The following PAX1 variants were observed in gnomAD, a reference collection of about 807,000 sequenced individuals.
PAX1 encodes paired box 1.
PAX1 carries 18 observed loss-of-function variants against 35.6 expected under a neutral mutation model. The observed-to-expected ratio is 0.50, with a 90% CI of 0.35 to 0.75. The LOEUF (loss-of-function observed/expected upper bound fraction) is 0.75, where lower values mean the gene tolerates loss of function less well. PAX1 is among the 30% of genes least tolerant of loss of function. The pLI is 0.01. For missense variants in PAX1, 760 were observed against 661.5 expected (o/e 1.15, Z -1.63); for synonymous variants, 397 against 305.2 (o/e 1.30, Z -3.14).
intron 2 of PAX1, among the ~76,000 whole-genome samples, chr20:21,707,450 C>CT (rs1985055518): frequency 6.6e-6 from 1 of 152,158 alleles, no homozygotes; most frequent in African/African-American, 2.4e-5. Flanking sequence ...CCCAAGGGTT[C>CT]TGTCCCCCAC....
At chr20:21,711,682 G>C (rs183138085) in intron 4 of PAX1, among the ~76,000 whole-genome samples, 1 of 152,250 alleles carries the variant, frequency 6.6e-6, no homozygotes, top group East Asian at 1.9e-4. Context: ...TTCTCAAGCT[G>C]GCATGCAACT....
chr20:21,710,068 G>A (rs1985152445), intron 4 of PAX1, among the ~76,000 whole-genome samples: 2 of 140,902 alleles, frequency 1.4e-5, no homozygotes, highest in Admixed American at 1.5e-4. Context: ...GCTTTCTGTG[G>A]TTGTGGGTGG....
chr20:21,713,450 A>G (rs1985264677), intron 4 of PAX1, among the ~76,000 whole-genome samples: 1 of 151,718 alleles, frequency 6.6e-6, no homozygotes, highest in Non-Finnish European at 1.5e-5. Flanking sequence ...GCGCAGCCAC[A>G]GCAAGTTGCG....
rs1003395033 is a variant in PAX1 at position 21,715,000 on chromosome 20, C to T, written c.*438C>T. 2.8e-5 allele frequency: 18 copies of T among 653,100 alleles called. No individual in the cohort carries two copies. Among genetic ancestry groups the T allele is most frequent in the African/African-American group, 1.8e-4 (10 of 55,632 alleles). The allele number at this position is 653,100 out of a possible 1,614,324, so 40.5% of individuals were successfully genotyped here. A position where few individuals can be genotyped will look rare whatever the true frequency, so the allele number is the denominator to read the frequency against. On this transcript the variant is annotated 3_prime_UTR_variant, in exon 5 of 5. Coordinates refer to ENST00000613128, the MANE Select transcript of PAX1 (RefSeq NM_001257096.2). The stretch of plus-strand genomic sequence containing the variant: ...CCCTACCTTCCACCCCGGCTTTCCC[C>T]GACCTTCCAGGGCTCCCTCTGCCCT...
At chr20:21,709,499 T>A (rs1318949350) in intron 4 of PAX1, 55 bp downstream of exon 4, 1 of 1,346,992 alleles carries the variant, frequency 7.4e-7, no homozygotes, top group African/African-American at 1.5e-5. Context: ...GGAAGGGTAC[T>A]GGGGAGCGGG....
chr20:21,713,382 T>TTTTTG (rs1324636431), intron 4 of PAX1, among the ~76,000 whole-genome samples: 4 of 146,272 alleles, frequency 2.7e-5, no homozygotes, highest in Non-Finnish European at 4.5e-5. Context: ...TCTTTTTTTT[T>TTTTTG]TGTGTGTGTG....
rs1352090319 is a variant in PAX1 at position 21,718,314 on chromosome 20, G to A, written c.*3752G>A. Reference sequence around the variant, plus strand: ...GTTTTGCCCTTCTTGAATATGCCCCGAGTTGTTCTACAGATCACTGAAGGG... The same window carrying A: ...GTTTTGCCCTTCTTGAATATGCCCCAAGTTGTTCTACAGATCACTGAAGGG... On this transcript the variant is annotated 3_prime_UTR_variant, in exon 5 of 5. Transcript: ENST00000613128. 2.0e-5 allele frequency: 3 copies of A among 152,170 alleles called. No individual in the cohort carries two copies. Among genetic ancestry groups the A allele is most frequent in the Non-Finnish European group, 4.4e-5 (3 of 68,032 alleles). 9.4% of individuals were successfully genotyped at this position (152,170 alleles called of 1,614,324 possible).
In PAX1 at chr20:21,718,079, A is replaced by G. The variant is rs1487444564; in HGVS notation, c.*3517A>G. 1 of 152,206 alleles carries G rather than the reference A, an allele frequency of 6.6e-6. No homozygotes were observed. The highest frequency in any genetic ancestry group is 1.5e-5 in the Non-Finnish European group (1 of 68,038). The allele number at this position is 152,206 out of a possible 1,614,324, so 9.4% of individuals were successfully genotyped here. ...ACTTTATTCTCGTGAATGGATGTCT[A>G]TTACCGAGGATTTATTAAAAACAGG... On this transcript the variant is annotated 3_prime_UTR_variant, in exon 5 of 5. Coordinates refer to ENST00000613128, the MANE Select transcript of PAX1 (RefSeq NM_001257096.2).
chr20:21,708,831 G>A (rs929952572), intron 3 of PAX1, 131 bp downstream of exon 3: 2 of 928,478 alleles, frequency 2.2e-6, no homozygotes, highest in Non-Finnish European at 3.4e-6. Flanking sequence ...CAGCCGGCTA[G>A]CAAGCGTCCT....
In PAX1 at chr20:21,705,919, T is replaced by TCA; in HGVS notation, c.208_209insAC (p.Leu70HisfsTer34). The TCA allele has an allele frequency of 7.1e-7, 1 of 1,409,590 alleles. No homozygotes were observed. The highest frequency in any genetic ancestry group is 9.2e-7 in the Non-Finnish European group (1 of 1,086,228). 87.3% of individuals were successfully genotyped at this position (1,409,590 alleles called of 1,614,324 possible). A position where few individuals can be genotyped will look rare whatever the true frequency, so the allele number is the denominator to read the frequency against. Reference sequence around the variant, plus strand: ...CACGCGGCGGCGGCGGCGCCCAAGCTCTCCCGGACTGCGCCGGGCCCAGCC... The same window carrying TCA: ...CACGCGGCGGCGGCGGCGCCCAAGCTCACTCCCGGACTGCGCCGGGCCCAGCC... On this transcript the variant is annotated frameshift_variant, in exon 1 of 5. Transcript: ENST00000613128. LOFTEE classifies it high-confidence loss of function.
In PAX1 at chr20:21,714,723, GC is replaced by G; in HGVS notation, c.*164del. 1 of 1,605,164 alleles carries G rather than the reference GC, an allele frequency of 6.2e-7. No individual in the cohort carries two copies. On this transcript the variant is annotated 3_prime_UTR_variant, in exon 5 of 5. Coordinates refer to ENST00000613128, the MANE Select transcript of PAX1 (RefSeq NM_001257096.2). The stretch of plus-strand genomic sequence containing the variant: ...GGGTGCACGCCCAGCCAGCCCCCAG[GC>G]CCAGCCCTGCCTCTGGCCGGACCCA...
At chr20:21,707,111 C>T in intron 2 of PAX1, 44 bp downstream of exon 2, 1 of 1,611,518 alleles carries the variant, frequency 6.2e-7, no homozygotes, top group South Asian at 1.1e-5. Context: ...AGGGGCAGAA[C>T]CTGGGGCGGG....
chr20:21,714,628 C>G lies in PAX1; in HGVS notation c.*66C>G, dbSNP rs1430867725. The G allele has an allele frequency of 6.4e-7, 1 of 1,564,208 alleles. No homozygotes were observed. Among genetic ancestry groups the G allele is most frequent in the Admixed American group, 1.9e-5 (1 of 52,784 alleles). Reference sequence around the variant, plus strand: ...GCGGACCCGGGCGCACAGGTCTGCGCGGCGGCCCCGGCAATCGGCACGGGC... The same window carrying G: ...GCGGACCCGGGCGCACAGGTCTGCGGGGCGGCCCCGGCAATCGGCACGGGC... On this transcript the variant is annotated 3_prime_UTR_variant, in exon 5 of 5. Transcript: ENST00000613128.
chr20:21,714,338 T>A, intron 4 of PAX1, 133 bp from the exon 5 acceptor site: 2 of 650,862 alleles, frequency 3.1e-6, no homozygotes, highest in South Asian at 4.0e-5. Context: ...AGCGCGAGTC[T>A]CTGCTTCACT....
In PAX1 at chr20:21,707,014, C is replaced by T. The variant is rs767792155; in HGVS notation, c.863C>T (p.Ser288Leu). ...GHVSIPRSWP[S>L]AHSVSNILGI... ...GTCAGCATCCCGCGCTCATGGCCCT[C>T]GGCACACTCGGTCAGCAACATCCTG... Residue 288 changes from serine (S) to leucine (L), a missense_variant, in exon 2 of 5, where the codon TCG (serine) becomes TTG (leucine). Ser to Leu is a moderately radical substitution (Grantham distance 145, BLOSUM62 -2). Coordinates refer to ENST00000613128, the MANE Select transcript of PAX1 (RefSeq NM_001257096.2). 6.2e-7 allele frequency: 1 copy of T among 1,613,070 alleles called. No homozygotes were observed.
At chr20:21,707,196 G>T in intron 2 of PAX1, 129 bp downstream of exon 2, 1 of 1,140,412 alleles carries the variant, frequency 8.8e-7, no homozygotes, top group Non-Finnish European at 1.3e-6. Flanking sequence ...CTCCACACTG[G>T]CCAGGGAGGC....
intron 2 of PAX1, chr20:21,708,286 T>G (rs1985079291): frequency 3.5e-6 from 2 of 576,432 alleles, no homozygotes; most frequent in Non-Finnish European, 6.3e-6. Context: ...TTTGGCCGAG[T>G]CTGCCCAGGC....
intron 4 of PAX1, among the ~76,000 whole-genome samples, chr20:21,714,236 A>G (rs1985290405): frequency 6.6e-6 from 1 of 152,160 alleles, no homozygotes; most frequent in Non-Finnish European, 1.5e-5. Context: ...TGGCCTTGCG[A>G]GGAGTCCCGC....
At position 21,706,333 on chromosome 20, in the gene PAX1, T is replaced by C. The variant is rs757388293; in HGVS notation, c.287-105T>C. The C allele has an allele frequency of 6.1e-6, 9 of 1,470,292 alleles. 1 individual carries two copies. In the East Asian group the frequency reaches 1.8e-4, roughly 30 times the overall value. 91.1% of individuals were successfully genotyped at this position (1,470,292 alleles called of 1,614,324 possible). A position where few individuals can be genotyped will look rare whatever the true frequency, so the allele number is the denominator to read the frequency against. On this transcript the variant is annotated intron_variant, in intron 1 of 4. Transcript: ENST00000613128. The surrounding 1 kb of genome is among the most constrained non-coding windows in gnomAD (Gnocchi z 5.3). ...TGTCTGGGGACCCACAGGTCACCTT[T>C]GGAAGTGCGCCTGGGTGCAGTCCCT...
Sources: allele counts gnomAD v4.1 joint callset (sites outside exome capture counted in the v4.1 genomes callset), GRCh38; gene constraint gnomAD v4.1.1; non-coding constraint Gnocchi (gnomAD v3.1); transcripts MANE v1.5; gene names NCBI Gene and HGNC (gene_info 2026-07-23, HGNC 2026-07-21).